The following SHISAL2B variants were observed in gnomAD, a reference collection of about 807,000 sequenced individuals.
SHISAL2B encodes the protein protein shisa-like-2B.
In SHISAL2B, 12 loss-of-function variants were observed where a neutral mutation model predicts 16.5. The observed-to-expected ratio is 0.73, with a 90% CI of 0.47 to 1.18. The LOEUF (loss-of-function observed/expected upper bound fraction) is 1.18, where lower values mean the gene tolerates loss of function less well. Among genes scored for constraint, SHISAL2B ranks in the 50% most tolerant of loss-of-function variants. The pLI is 0.00. For missense variants in SHISAL2B, 183 were observed against 193.6 expected (o/e 0.95, Z 0.33); for synonymous variants, 72 against 75.0 (o/e 0.96, Z 0.21).
intron 1 of SHISAL2B, 22 bp from the exon 2 acceptor site, chr5:64,695,484 TA>T (rs1741719909): frequency 1.3e-6 from 2 of 1,512,372 alleles, no homozygotes; most frequent in Non-Finnish European, 1.8e-6. Flanking sequence ...GTGTGACACA[TA>T]TTTTTTTTCT....
At chr5:64,702,355 C>A (rs1314370738) in intron 2 of SHISAL2B, among the ~76,000 whole-genome samples, 1 of 152,032 alleles carries the variant, frequency 6.6e-6, no homozygotes, top group Non-Finnish European at 1.5e-5. Context: ...CATGAGCCAC[C>A]ACGCCAGGCT....
At chr5:64,709,938 C>G (rs921951087) in intron 2 of SHISAL2B, among the ~76,000 whole-genome samples, 32 of 150,420 alleles carry the variant, frequency 2.1e-4, no homozygotes, top group African/African-American at 7.6e-4. Context: ...GGATATTAGC[C>G]CTTTGTCAGA....
At chr5:64,696,095 C>A (rs1295375949) in intron 2 of SHISAL2B, among the ~76,000 whole-genome samples, 1 of 152,218 alleles carries the variant, frequency 6.6e-6, no homozygotes, top group Non-Finnish European at 1.5e-5. Context: ...TTAATATGGA[C>A]ATAGATCAGT....
chr5:64,712,480 A>AGGTGT (rs1741973469), intron 2 of SHISAL2B, among the ~76,000 whole-genome samples: 2 of 151,442 alleles, frequency 1.3e-5, no homozygotes, highest in Admixed American at 6.6e-5. Flanking sequence ...ATTTTGGAAT[A>AGGTGT]GGTGTGGTGT....
chr5:64,712,323 T>C (rs1292629155), intron 2 of SHISAL2B, among the ~76,000 whole-genome samples: 1 of 152,202 alleles, frequency 6.6e-6, no homozygotes. Context: ...GAGCATGTTG[T>C]TCAGTTTCCA....
intron 1 of SHISAL2B, among the ~76,000 whole-genome samples, chr5:64,693,726 G>C (rs778983614): frequency 4.6e-5 from 7 of 152,146 alleles, no homozygotes; most frequent in Non-Finnish European, 1.0e-4. Flanking sequence ...AAGTACAAAA[G>C]AGGAGTCGCC....
At chr5:64,692,227 A>G (rs753396125) in intron 1 of SHISAL2B, among the ~76,000 whole-genome samples, 2 of 152,254 alleles carry the variant, frequency 1.3e-5, no homozygotes, top group Non-Finnish European at 2.9e-5. Context: ...AAGCACCTCC[A>G]ACAGGGACTG....
chr5:64,701,830 G>C (rs1002037352), intron 2 of SHISAL2B, among the ~76,000 whole-genome samples: 1 of 152,188 alleles, frequency 6.6e-6, no homozygotes, highest in East Asian at 1.9e-4. Context: ...TATTCTGCCT[G>C]TAAGCAAAAC....
At chr5:64,717,186 A>G (rs1742068741) in intron 2 of SHISAL2B, among the ~76,000 whole-genome samples, 1 of 152,204 alleles carries the variant, frequency 6.6e-6, no homozygotes, top group African/African-American at 2.4e-5. Flanking sequence ...AGAAGATGAG[A>G]ATGAACTGGA....
At chr5:64,701,168 G>A (rs1741805060) in intron 2 of SHISAL2B, among the ~76,000 whole-genome samples, 2 of 152,160 alleles carry the variant, frequency 1.3e-5, no homozygotes, top group South Asian at 4.1e-4. Context: ...AAAAAAGTCT[G>A]TACATGTTCA....
intron 2 of SHISAL2B, among the ~76,000 whole-genome samples, chr5:64,712,375 C>A (rs1741971866): frequency 6.6e-6 from 1 of 152,068 alleles, no homozygotes; most frequent in Non-Finnish European, 1.5e-5. Flanking sequence ...ATCCTGAGTT[C>A]TAGTTTGATT....
intron 1 of SHISAL2B, chr5:64,691,122 G>C (rs1741644248): frequency 3.1e-6 from 1 of 322,986 alleles, no homozygotes. Flanking sequence ...CCCGCCTCCC[G>C]GGAGCCGACT....
At chr5:64,698,013 A>G (rs1406988227) in intron 2 of SHISAL2B, among the ~76,000 whole-genome samples, 1 of 152,250 alleles carries the variant, frequency 6.6e-6, no homozygotes, top group African/African-American at 2.4e-5. Context: ...TGCATGGCCA[A>G]AATGACAGGT....
chr5:64,694,225 A>G (rs762433677), intron 1 of SHISAL2B: 7 of 373,888 alleles, frequency 1.9e-5, no homozygotes, highest in African/African-American at 1.5e-4. Context: ...GTCAATTATT[A>G]TTTATTTACA....
At chr5:64,695,226 T>C (rs1309958743) in intron 1 of SHISAL2B, among the ~76,000 whole-genome samples, 4 of 151,340 alleles carry the variant, frequency 2.6e-5, no homozygotes, top group Non-Finnish European at 5.9e-5. Context: ...GATTGTGCCA[T>C]TGCACTCTAC....
intron 2 of SHISAL2B, among the ~76,000 whole-genome samples, chr5:64,714,392 C>T (rs1742005654): frequency 6.7e-6 from 1 of 148,176 alleles, no homozygotes; most frequent in South Asian, 2.2e-4. Context: ...AGGCAGTCTG[C>T]CTGTTCTCAG....
At chr5:64,699,667 GT>G (rs1318044785) in intron 2 of SHISAL2B, among the ~76,000 whole-genome samples, 1 of 152,176 alleles carries the variant, frequency 6.6e-6, no homozygotes, top group Non-Finnish European at 1.5e-5. Flanking sequence ...AATTTTTACA[GT>G]TGAAACTGTT....
chr5:64,701,485 C>T (rs1741809071), intron 2 of SHISAL2B, among the ~76,000 whole-genome samples: 1 of 152,102 alleles, frequency 6.6e-6, no homozygotes, highest in African/African-American at 2.4e-5. Context: ...GAAGATAAAG[C>T]ATATTTATCC....
chr5:64,718,037 T>C lies in SHISAL2B; in HGVS notation c.*15T>C. The C allele has an allele frequency of 6.7e-7, 1 of 1,491,926 alleles. No homozygotes were observed. Among genetic ancestry groups the C allele is most frequent in the Non-Finnish European group, 8.8e-7 (1 of 1,134,188 alleles). 92.4% of individuals were successfully genotyped at this position (1,491,926 alleles called of 1,614,324 possible). The stretch of plus-strand genomic sequence containing the variant: ...TTGCTTATTAACTAAAAATTCTGTG[T>C]TTTAAATGCTTACTGGAGAGATGGG... On this transcript the variant is annotated 3_prime_UTR_variant, in exon 3 of 3. Coordinates refer to ENST00000389074, the MANE Select transcript of SHISAL2B (RefSeq NM_001164442.2).
Sources: allele counts gnomAD v4.1 joint callset (sites outside exome capture counted in the v4.1 genomes callset), GRCh38; gene constraint gnomAD v4.1.1; transcripts MANE v1.5; gene names NCBI Gene and HGNC (gene_info 2026-07-23, HGNC 2026-07-21).